TBL1X: variants seen among roughly 807,000 people sequenced by gnomAD.
The protein encoded by TBL1X is transducin beta like 1 X-linked, also known as F-box-like/WD repeat-containing protein TBL1X.
A neutral mutation model predicts 50.7 loss-of-function variants in TBL1X; 10 were observed. That is an observed-to-expected ratio of 0.20 (90% CI 0.12 to 0.33). TBL1X has a LOEUF of 0.33. TBL1X is among the 10% of genes least tolerant of loss of function. TBL1X has a pLI of 1.00. For synonymous variants in TBL1X, 190 were observed against 214.7 expected (o/e 0.88, Z 1.01); for missense variants, 340 against 504.4 (o/e 0.67, Z 3.12).
Position 9,716,479 on chromosome X carries a change from C to T in TBL1X, c.*233C>T. On this transcript the variant is annotated 3_prime_UTR_variant, in exon 18 of 18. Coordinates refer to ENST00000645353, the MANE Select transcript of TBL1X (RefSeq NM_005647.4). ...TATCAAACGGGGATAGAATGGTTTC[C>T]ACTGAGGACATTCAGCCTGGGAAGG... The T allele has an allele frequency of 3.0e-6, 1 of 329,554 alleles. No homozygotes were observed. Among genetic ancestry groups the T allele is most frequent in the African/African-American group, 2.6e-5 (1 of 38,095 alleles). The allele number at this position is 329,554 out of a possible 1,213,427, so 27.2% of individuals were successfully genotyped here.
chrX:9,630,855 C>T (rs1438995896), intron 2 of TBL1X, among the ~76,000 whole-genome samples: 2 of 112,507 alleles, frequency 1.8e-5, no homozygotes, highest in African/African-American at 6.4e-5. Context: ...GGATTAGAGG[C>T]GTGAGCCACC....
chrX:9,615,749 A>G (rs186780207), intron 2 of TBL1X, among the ~76,000 whole-genome samples: 236 of 112,100 alleles, frequency 2.1e-3, no homozygotes, highest in African/African-American at 6.2e-3. Context: ...CCTTGGCCAG[A>G]GATGATCTCA....
At chrX:9,616,977 G>A (rs2082642367) in intron 2 of TBL1X, among the ~76,000 whole-genome samples, 1 of 111,805 alleles carries the variant, frequency 8.9e-6, no homozygotes, top group South Asian at 3.7e-4. Flanking sequence ...TACCCGTGAT[G>A]TGCACAGGGG....
At chrX:9,502,515 C>T (rs1244356622) in intron 2 of TBL1X, among the ~76,000 whole-genome samples, 1 of 112,180 alleles carries the variant, frequency 8.9e-6, no homozygotes, top group East Asian at 2.8e-4. Context: ...CCTTTCTTCC[C>T]ATACATGTAG....
chrX:9,542,871 G>T (rs1257906612), intron 2 of TBL1X, among the ~76,000 whole-genome samples: 1 of 112,462 alleles, frequency 8.9e-6, no homozygotes, highest in African/African-American at 3.2e-5. Context: ...TCACATGACA[G>T]CTCAGTCATT....
intron 1 of TBL1X, among the ~76,000 whole-genome samples, chrX:9,483,120 T>C (rs1176854959): frequency 9.0e-6 from 1 of 111,274 alleles, no homozygotes; most frequent in Non-Finnish European, 1.9e-5. Context: ...TCCCCTCCTC[T>C]TTCAAGAGAG....
chrX:9,617,684 C>T (rs2082645973), intron 2 of TBL1X, among the ~76,000 whole-genome samples: 1 of 111,948 alleles, frequency 8.9e-6, no homozygotes, highest in Non-Finnish European at 1.9e-5. Context: ...GACTGCTGAC[C>T]TGTGGGGTCA....
At chrX:9,498,299 C>A (rs1212925676) in intron 1 of TBL1X, among the ~76,000 whole-genome samples, 1 of 111,724 alleles carries the variant, frequency 9.0e-6, no homozygotes, top group Non-Finnish European at 1.9e-5. Context: ...GGGACAGCGT[C>A]CTCTGTTTTC....
At chrX:9,708,089 A>G (rs1306196962) in intron 13 of TBL1X, among the ~76,000 whole-genome samples, 1 of 111,867 alleles carries the variant, frequency 8.9e-6, no homozygotes, top group Non-Finnish European at 1.9e-5. Flanking sequence ...ATGGGGCCCT[A>G]TAGTCACCCC....
At chrX:9,501,572 T>A (rs2681660) in intron 1 of TBL1X, among the ~76,000 whole-genome samples, 49,185 of 109,781 alleles carry the variant, frequency 0.45, 8,574 homozygotes, top group Admixed American at 0.62. Context: ...GCTACTGCAG[T>A]GGTGGACTCT....
At chrX:9,649,499 T>C (rs749392044) in intron 3 of TBL1X, among the ~76,000 whole-genome samples, 2 of 112,282 alleles carry the variant, frequency 1.8e-5, no homozygotes, top group South Asian at 3.7e-4. Flanking sequence ...CCCTAACTTA[T>C]ACATTTAAAA....
chrX:9,616,280 G>A (rs1169179542), intron 2 of TBL1X, among the ~76,000 whole-genome samples: 2 of 111,972 alleles, frequency 1.8e-5, no homozygotes, highest in African/African-American at 6.5e-5. Flanking sequence ...ACGTGTGTTT[G>A]TAATTTTGAG....
intron 2 of TBL1X, among the ~76,000 whole-genome samples, chrX:9,581,808 C>T (rs72612805): frequency 8.9e-6 from 1 of 112,051 alleles, no homozygotes; most frequent in African/African-American, 3.2e-5. Flanking sequence ...ACATGAGGCT[C>T]GGATCACAGA....
chrX:9,548,934 A>G (rs1274043421), intron 2 of TBL1X, among the ~76,000 whole-genome samples: 1 of 113,052 alleles, frequency 8.8e-6, no homozygotes, highest in African/African-American at 3.2e-5. Flanking sequence ...TTGATTTATA[A>G]TCTTGCAAAA....
At chrX:9,670,849 C>T (rs1601828865) in intron 5 of TBL1X, among the ~76,000 whole-genome samples, 1 of 112,386 alleles carries the variant, frequency 8.9e-6, no homozygotes, top group Non-Finnish European at 1.9e-5. Flanking sequence ...AATGTGTATC[C>T]ATGTTTAAAA....
Position 9,492,894 on chromosome X carries a change from T to TGTGTGTGG in TBL1X, c.-200-8882_-200-8881insGTGGGTGT, listed in dbSNP as rs796965171. On this transcript the variant is annotated intron_variant, in intron 1 of 17. Coordinates refer to ENST00000645353, the MANE Select transcript of TBL1X (RefSeq NM_005647.4). ...GTGTGTGTGTGTGTGTGTGTGTGTG[T>TGTGTGTGG]GTGTAGGGGAGGAAGGAATGGAAGG... Among the ~76,000 whole-genome samples, 113 of 24,168 alleles carry TGTGTGTGG rather than the reference T, an allele frequency of 4.7e-3. 9 individuals are homozygous for TGTGTGTGG. Among genetic ancestry groups the TGTGTGTGG allele is most frequent in the East Asian group, 0.034 (26 of 773 alleles). The allele number at this position is 24,168 out of a possible 115,157, so 21.0% of individuals were successfully genotyped here.
intron 16 of TBL1X, among the ~76,000 whole-genome samples, chrX:9,714,009 C>T (rs1193919194): frequency 1.8e-5 from 2 of 110,901 alleles, no homozygotes; most frequent in Non-Finnish European, 3.8e-5. Flanking sequence ...GAGACGAAGT[C>T]TCACTGTGTT....
In TBL1X at chrX:9,652,962, C is replaced by T. The variant is rs1042330268; in HGVS notation, c.-42-583C>T. Reference sequence around the variant, plus strand: ...CGGGTGGGTCACGAGGTCAGGAGATCGAGACCATCCTGGCCAACATGGTGA... The same window carrying T: ...CGGGTGGGTCACGAGGTCAGGAGATTGAGACCATCCTGGCCAACATGGTGA... On this transcript the variant is annotated intron_variant, in intron 3 of 17. Coordinates refer to ENST00000645353, the MANE Select transcript of TBL1X (RefSeq NM_005647.4). Among the ~76,000 whole-genome samples, 5 of 111,062 alleles carry T rather than the reference C, an allele frequency of 4.5e-5. No individual in the cohort carries two copies. The East Asian group carries it at 8.5e-4, about 19-fold the overall frequency.
chrX:9,604,381 G>A (rs905640128), intron 2 of TBL1X, among the ~76,000 whole-genome samples: 2 of 109,957 alleles, frequency 1.8e-5, no homozygotes, highest in African/African-American at 6.6e-5. Context: ...AATTAGCCGG[G>A]TAGACTTTTT....
Sources: gnomAD v4.1 joint callset for allele counts (sites outside exome capture counted in the v4.1 genomes callset) on GRCh38, gnomAD v4.1.1 for gene constraint, MANE v1.5 for transcripts, NCBI Gene and HGNC (gene_info 2026-07-23, HGNC 2026-07-21) for gene names.